The following CNTNAP2 variants were observed in gnomAD, a reference collection of about 807,000 sequenced individuals.
CNTNAP2 encodes the protein contactin associated protein 2, also known as contactin-associated protein-like 2.
A neutral mutation model predicts 155.2 loss-of-function variants in CNTNAP2; 98 were observed. That is an observed-to-expected ratio of 0.63 (90% CI 0.54 to 0.75). The LOEUF (loss-of-function observed/expected upper bound fraction) is 0.75. Ranked by LOEUF, CNTNAP2 falls within the 30% of genes least tolerant of loss-of-function variation. CNTNAP2 has a pLI of 0.00. For missense variants in CNTNAP2, 1,727 were observed against 1,688.1 expected, an observed-to-expected ratio of 1.02 and a Z score of -0.40; for synonymous variants, 651 against 631.2, an observed-to-expected ratio of 1.03 and a Z score of -0.47.
At chr7:146,240,727 A>G (rs1376222836) in intron 1 of CNTNAP2, among the ~76,000 whole-genome samples, 1 of 152,228 alleles carries the variant, frequency 6.6e-6, no homozygotes. Context: ...AAAGTGGTTC[A>G]TCTGTAAAAT....
chr7:147,359,538 TC>T (rs144469253), intron 9 of CNTNAP2, among the ~76,000 whole-genome samples: 3,011 of 152,230 alleles, frequency 0.02, 101 homozygotes, highest in African/African-American at 0.069. Context: ...CATCCTTGAA[TC>T]AGCCTTTAAA....
chr7:147,977,463 C>T (rs1010541895), intron 14 of CNTNAP2, among the ~76,000 whole-genome samples: 4 of 152,062 alleles, frequency 2.6e-5, no homozygotes, highest in East Asian at 3.9e-4. Flanking sequence ...GGAACTGCTT[C>T]AAATAGGGTT....
At chr7:147,981,951 C>T (rs570439983) in intron 15 of CNTNAP2, among the ~76,000 whole-genome samples, 43 of 151,958 alleles carry the variant, frequency 2.8e-4, no homozygotes, top group Middle Eastern at 3.2e-3. Flanking sequence ...TACAAATCCC[C>T]CTCTTAAACT....
At chr7:146,504,764 A>AC (rs144423335) in intron 1 of CNTNAP2, among the ~76,000 whole-genome samples, 30,815 of 152,010 alleles carry the variant, frequency 0.2, 3,797 homozygotes, top group East Asian at 0.45. Flanking sequence ...ACATAAGGCC[A>AC]CCCCCAGGTA....
At chr7:146,447,178 G>A (rs985499706) in intron 1 of CNTNAP2, among the ~76,000 whole-genome samples, 5 of 151,948 alleles carry the variant, frequency 3.3e-5, no homozygotes, top group African/African-American at 1.2e-4. Flanking sequence ...GGGAACAAAT[G>A]GATGTATTAA....
intron 4 of CNTNAP2, among the ~76,000 whole-genome samples, chr7:147,055,444 T>C (rs1410448740): frequency 6.6e-6 from 1 of 151,260 alleles, no homozygotes; most frequent in African/African-American, 2.5e-5. Flanking sequence ...AGATCCCACC[T>C]TGCTTTGCTT....
intron 9 of CNTNAP2, among the ~76,000 whole-genome samples, chr7:147,329,394 T>C (rs546829009): frequency 1.4e-4 from 21 of 152,200 alleles, no homozygotes; most frequent in East Asian, 7.7e-4. Flanking sequence ...GTAATTTATA[T>C]ATACATTCTT....
At chr7:147,001,408 A>G (rs1432906452) in intron 3 of CNTNAP2, among the ~76,000 whole-genome samples, 1 of 151,998 alleles carries the variant, frequency 6.6e-6, no homozygotes, top group African/African-American at 2.4e-5. Flanking sequence ...TCTTTTAATT[A>G]TTTTACAGAT....
chr7:146,583,591 G>T (rs971175499), intron 1 of CNTNAP2, among the ~76,000 whole-genome samples: 1 of 152,140 alleles, frequency 6.6e-6, no homozygotes, highest in Admixed American at 6.5e-5. Flanking sequence ...CAGAACAAGA[G>T]ATCGCTTATA....
chr7:146,547,638 A>G (rs1195015090), intron 1 of CNTNAP2, among the ~76,000 whole-genome samples: 1 of 151,908 alleles, frequency 6.6e-6, no homozygotes, highest in African/African-American at 2.4e-5. Flanking sequence ...ATTCATCCAC[A>G]TTGCATATTG....
At chr7:147,609,128 C>T (rs1349489767) in intron 12 of CNTNAP2, among the ~76,000 whole-genome samples, 1 of 152,174 alleles carries the variant, frequency 6.6e-6, no homozygotes, top group East Asian at 1.9e-4. Flanking sequence ...CTTCTGTAGA[C>T]TAATGGGCAC....
At chr7:146,395,588 A>G (rs765742534) in intron 1 of CNTNAP2, among the ~76,000 whole-genome samples, 72 of 152,126 alleles carry the variant, frequency 4.7e-4, no homozygotes, top group Non-Finnish European at 8.1e-4. Context: ...TGAATTGAAC[A>G]AATCATGTGC....
intron 13 of CNTNAP2, among the ~76,000 whole-genome samples, chr7:147,752,545 C>T (rs754315110): frequency 6.6e-6 from 1 of 152,162 alleles, no homozygotes; most frequent in African/African-American, 2.4e-5. Context: ...TTGATAATTG[C>T]ATAAGGCAGA....
At chr7:148,211,374 A>G (rs1351673303) in intron 18 of CNTNAP2, among the ~76,000 whole-genome samples, 1 of 152,238 alleles carries the variant, frequency 6.6e-6, no homozygotes, top group Middle Eastern at 3.2e-3. Context: ...GAAGGTAAAA[A>G]GAAAGAAGCT....
At chr7:146,886,022 T>C (rs2129210444) in intron 3 of CNTNAP2, among the ~76,000 whole-genome samples, 1 of 151,518 alleles carries the variant, frequency 6.6e-6, no homozygotes, top group East Asian at 2.0e-4. Context: ...AGACTAATTC[T>C]AGTACAAATT....
At chr7:146,387,509 CA>C (rs1795477918) in intron 1 of CNTNAP2, among the ~76,000 whole-genome samples, 1 of 152,276 alleles carries the variant, frequency 6.6e-6, no homozygotes, top group Admixed American at 6.5e-5. Context: ...AGTACTTTCT[CA>C]TTTTGGTAGG....
intron 15 of CNTNAP2, among the ~76,000 whole-genome samples, chr7:148,045,049 G>A (rs1173001212): frequency 1.3e-5 from 2 of 152,188 alleles, no homozygotes; most frequent in Non-Finnish European, 2.9e-5. Flanking sequence ...GCTCTGAGCA[G>A]AAGGAGAGTT....
chr7:147,682,407 G>A (rs1337326819), intron 13 of CNTNAP2, among the ~76,000 whole-genome samples: 1 of 151,936 alleles, frequency 6.6e-6, no homozygotes, highest in African/African-American at 2.4e-5. Context: ...ATCTAATTAT[G>A]TGAAATTTAC....
intron 1 of CNTNAP2, among the ~76,000 whole-genome samples, chr7:146,242,214 T>C (rs190618656): frequency 6.6e-6 from 1 of 152,200 alleles, no homozygotes; most frequent in East Asian, 1.9e-4. Context: ...TTGATTTTTG[T>C]CTTAACACAT....
Sources: allele counts gnomAD v4.1 joint callset (sites outside exome capture counted in the v4.1 genomes callset), GRCh38; gene constraint gnomAD v4.1.1; transcripts MANE v1.5; gene names NCBI Gene and HGNC (gene_info 2026-07-23, HGNC 2026-07-21).